RANBP17: variants seen among roughly 807,000 people sequenced by gnomAD.
The protein encoded by RANBP17 is ran-binding protein 17.
RANBP17 carries 158 observed loss-of-function variants against 141.2 expected under a neutral mutation model. The ratio of observed to expected loss-of-function variants is 1.12; its 90% CI spans 0.98 to 1.28. The LOEUF (loss-of-function observed/expected upper bound fraction) is 1.28. Among genes scored for constraint, RANBP17 ranks in the 50% most tolerant of loss-of-function variants. The probability of loss-of-function intolerance (pLI) is 0.00; values close to 1 mark genes in which losing one functional copy is unlikely to be tolerated. For synonymous variants in RANBP17, 430 were observed against 450.0 expected (o/e 0.96, Z 0.56); for missense variants, 1,438 against 1,290.7 (o/e 1.11, Z -1.75).
At chr5:171,012,884 C>A (rs943387351) in intron 14 of RANBP17, among the ~76,000 whole-genome samples, 23 of 152,240 alleles carry the variant, frequency 1.5e-4, no homozygotes, top group Non-Finnish European at 2.8e-4. Context: ...AGAATAGTTA[C>A]ATTTTAATTC....
chr5:171,178,473 A>G (rs895482682), intron 16 of RANBP17, among the ~76,000 whole-genome samples: 6 of 152,146 alleles, frequency 3.9e-5, no homozygotes, highest in South Asian at 2.1e-4. Flanking sequence ...TAGTGCTGCA[A>G]TAAACATACG....
At chr5:171,058,778 A>G (rs1783592499) in intron 14 of RANBP17, among the ~76,000 whole-genome samples, 2 of 150,432 alleles carry the variant, frequency 1.3e-5, no homozygotes, top group Admixed American at 6.6e-5. Flanking sequence ...AGTCCCACCA[A>G]CAGTGTAAAA....
chr5:170,963,901 T>A (rs1776326965), intron 13 of RANBP17, among the ~76,000 whole-genome samples: 1 of 152,094 alleles, frequency 6.6e-6, no homozygotes, highest in Admixed American at 6.6e-5. Flanking sequence ...ATAAATAATT[T>A]GTAAAACTCA....
At chr5:170,938,598 AC>A (rs1774074631) in intron 12 of RANBP17, among the ~76,000 whole-genome samples, 1 of 152,220 alleles carries the variant, frequency 6.6e-6, no homozygotes, top group Non-Finnish European at 1.5e-5. Context: ...TGAGCACATA[AC>A]AGGAGTGTGA....
intron 22 of RANBP17, among the ~76,000 whole-genome samples, chr5:171,239,320 G>T (rs1318191425): frequency 1.3e-5 from 2 of 152,182 alleles, no homozygotes; most frequent in African/African-American, 4.8e-5. Flanking sequence ...AGATCAAGAA[G>T]AGGGAACCTT....
chr5:171,128,107 G>A (rs1048220974), intron 14 of RANBP17, among the ~76,000 whole-genome samples: 4 of 151,522 alleles, frequency 2.6e-5, no homozygotes, highest in Admixed American at 6.6e-5. Context: ...GCAGTGAGCC[G>A]AGATCACACC....
At chr5:171,053,812 T>A (rs1783130832) in intron 14 of RANBP17, among the ~76,000 whole-genome samples, 1 of 148,300 alleles carries the variant, frequency 6.7e-6, no homozygotes, top group South Asian at 2.1e-4. Flanking sequence ...GGGGGAAAGC[T>A]TTCAGTCTTT....
chr5:171,058,439 G>A (rs165965), intron 14 of RANBP17, among the ~76,000 whole-genome samples: 100,683 of 150,124 alleles, frequency 0.67, 33,984 homozygotes, highest in South Asian at 0.89. Flanking sequence ...GTGATAGTTT[G>A]CTGAGAATGA....
chr5:170,974,618 C>T (rs1263550245), intron 14 of RANBP17, among the ~76,000 whole-genome samples: 3 of 152,144 alleles, frequency 2.0e-5, no homozygotes, highest in Non-Finnish European at 4.4e-5. Context: ...TCTGGTGGCC[C>T]TGTCCTTCCA....
chr5:170,986,974 T>C (rs2127559065), intron 14 of RANBP17, among the ~76,000 whole-genome samples: 1 of 151,978 alleles, frequency 6.6e-6, no homozygotes, highest in South Asian at 2.1e-4. Flanking sequence ...TGCTGTTTCA[T>C]GGTACTTGGA....
chr5:171,265,944 T>G (rs994178659), intron 25 of RANBP17, 97 bp downstream of exon 25: 53 of 1,015,388 alleles, frequency 5.2e-5, no homozygotes, highest in Non-Finnish European at 7.1e-5. Context: ...TTGCCAAGAC[T>G]TTTTATACTG....
At chr5:170,898,712 G>A (rs1770352194) in intron 5 of RANBP17, among the ~76,000 whole-genome samples, 1 of 152,048 alleles carries the variant, frequency 6.6e-6, no homozygotes, top group Admixed American at 6.6e-5. Context: ...TGTCAGGTAG[G>A]GGCCCAGTTT....
At chr5:171,220,584 G>A (rs914227599) in intron 21 of RANBP17, among the ~76,000 whole-genome samples, 3 of 151,460 alleles carry the variant, frequency 2.0e-5, no homozygotes, top group African/African-American at 7.3e-5. Flanking sequence ...GAATAACTGG[G>A]ATACAGGCAC....
At chr5:170,897,397 C>T (rs1056322878) in intron 5 of RANBP17, 5 of 419,176 alleles carry the variant, frequency 1.2e-5, no homozygotes, top group East Asian at 5.8e-5. Flanking sequence ...CGTATGTGTA[C>T]GTACAACCAT....
intron 14 of RANBP17, among the ~76,000 whole-genome samples, chr5:171,039,699 T>C (rs1782132588): frequency 6.6e-6 from 1 of 152,044 alleles, no homozygotes. Context: ...TGACATTACA[T>C]CTGATCCCGG....
intron 14 of RANBP17, among the ~76,000 whole-genome samples, chr5:171,166,029 G>T (rs1373379243): frequency 6.6e-6 from 1 of 152,106 alleles, no homozygotes; most frequent in Non-Finnish European, 1.5e-5. Flanking sequence ...TGACCAAAAT[G>T]TACATTTTAA....
chr5:171,051,745 G>C (rs1250025232), intron 14 of RANBP17, among the ~76,000 whole-genome samples: 1 of 151,824 alleles, frequency 6.6e-6, no homozygotes, highest in East Asian at 1.9e-4. Flanking sequence ...ATTTCTCTTG[G>C]GTATATACAT....
chr5:170,870,241 C>T (rs754341505), intron 1 of RANBP17, among the ~76,000 whole-genome samples: 93 of 152,184 alleles, frequency 6.1e-4, no homozygotes, highest in Admixed American at 4.4e-3. Flanking sequence ...CTGAGATACA[C>T]GTGCAGAACG....
intron 13 of RANBP17, among the ~76,000 whole-genome samples, chr5:170,955,648 G>GTGTATATA (rs1242245418): frequency 1.0e-3 from 22 of 21,756 alleles, no homozygotes; most frequent in African/African-American, 1.3e-3. Flanking sequence ...TATGCTCAGT[G>GTGTATATA]TATATATATA....
Sources: allele counts gnomAD v4.1 joint callset (sites outside exome capture counted in the v4.1 genomes callset), GRCh38; gene constraint gnomAD v4.1.1; transcripts MANE v1.5; gene names NCBI Gene and HGNC (gene_info 2026-07-23, HGNC 2026-07-21).